The following ATAD2B variants were observed in gnomAD, a reference collection of about 807,000 sequenced individuals.
ATAD2B encodes ATPase family AAA domain-containing protein 2B.
Under a neutral mutation model 167.6 loss-of-function variants are expected in ATAD2B, and 40 were observed. The ratio of observed to expected loss-of-function variants is 0.24; its 90% CI spans 0.19 to 0.31. ATAD2B has a LOEUF of 0.31. Ranked by LOEUF, ATAD2B falls within the 10% of genes least tolerant of loss-of-function variation. ATAD2B has a pLI of 1.00. For missense variants in ATAD2B, 1,242 were observed against 1,757.2 expected (o/e 0.71, Z 5.24); for synonymous variants, 579 against 596.5 (o/e 0.97, Z 0.43).
chr2:23,836,851 G>A lies in ATAD2B; in HGVS notation c.1569-2773C>T, dbSNP rs186819936. On this transcript the variant is annotated intron_variant, in intron 13 of 27. Coordinates refer to ENST00000238789, the MANE Select transcript of ATAD2B (RefSeq NM_017552.4). ...CTGAGCCGGGGCTTTTATGGGACTC[G>A]GGGGAAGGAAGTGCACACCAATTGG... 9.5e-4 allele frequency among the ~76,000 whole-genome samples: 145 copies of A among 152,252 alleles called. 1 individual carries two copies. The highest frequency in any genetic ancestry group is 1.3e-3 in the Non-Finnish European group (91 of 68,014).
At chr2:23,777,411 T>C (rs1032448819) in intron 22 of ATAD2B, among the ~76,000 whole-genome samples, 3 of 146,914 alleles carry the variant, frequency 2.0e-5, no homozygotes, top group Non-Finnish European at 3.0e-5. Context: ...AAGGCAAGAA[T>C]TGTCAGAGTC....
the ATAD2B span, among the ~76,000 whole-genome samples, chr2:23,700,587 T>A: frequency 6.6e-6 from 1 of 152,136 alleles, no homozygotes; most frequent in African/African-American, 2.4e-5. The surrounding 1 kb of genome is among the most constrained non-coding windows in gnomAD (Gnocchi z 4.6). Flanking sequence ...AACCATGACG[T>A]TTTCCCTAGA....
chr2:23,703,970 C>A, the ATAD2B span: 1 of 1,271,098 alleles, frequency 7.9e-7, no homozygotes, highest in Non-Finnish European at 1.1e-6. Flanking sequence ...ATTCCCAGGC[C>A]CAGAGCAGTG....
chr2:23,735,570 G>A, the ATAD2B span, among the ~76,000 whole-genome samples: 2 of 152,196 alleles, frequency 1.3e-5, no homozygotes, highest in African/African-American at 2.4e-5. Context: ...TCATCAGGGA[G>A]GAGAAGAAAA....
chr2:23,857,540 G>C, intron 12 of ATAD2B, 37 bp from the exon 13 acceptor site: 1 of 1,016,388 alleles, frequency 9.8e-7, no homozygotes, highest in Admixed American at 3.8e-5. Flanking sequence ...TATTGTATTT[G>C]TTTTCATTTT....
At chr2:23,769,711 G>GA (rs199842019) in intron 22 of ATAD2B, among the ~76,000 whole-genome samples, 8,779 of 129,724 alleles carry the variant, frequency 0.068, 512 homozygotes, top group Non-Finnish European at 0.092. Flanking sequence ...TCTCACTGTG[G>GA]GTTTTTTTTT....
At chr2:23,744,589 G>A (rs1674703700), downstream of ATAD2B, among the ~76,000 whole-genome samples, 1 of 152,102 alleles carries the variant, frequency 6.6e-6, no homozygotes, top group African/African-American at 2.4e-5. Flanking sequence ...AACCACCATG[G>A]GGTTGGTGCT....
At chr2:23,877,067 C>A (rs79357109) in intron 7 of ATAD2B, among the ~76,000 whole-genome samples, 209 of 108,896 alleles carry the variant, frequency 1.9e-3, no homozygotes, top group South Asian at 3.3e-3. Flanking sequence ...AACTCCATCT[C>A]AAAAAAAAAA....
chr2:23,857,620 T>A (rs1693626778), intron 12 of ATAD2B, 117 bp from the exon 13 acceptor site: 2 of 436,960 alleles, frequency 4.6e-6, no homozygotes, highest in Admixed American at 9.2e-5. Flanking sequence ...TATGAAGGAG[T>A]ATATAGCAAC....
At chr2:23,902,648 T>C (rs991208073) in intron 1 of ATAD2B, among the ~76,000 whole-genome samples, 3 of 152,198 alleles carry the variant, frequency 2.0e-5, no homozygotes, top group Non-Finnish European at 2.9e-5. Flanking sequence ...TGTGTCACAG[T>C]GATTATAATC....
intron 22 of ATAD2B, among the ~76,000 whole-genome samples, chr2:23,774,094 A>C (rs1341096788): frequency 2.6e-5 from 4 of 152,228 alleles, no homozygotes; most frequent in Non-Finnish European, 5.9e-5. Context: ...AAAATTATTA[A>C]GAGTAACCAT....
intron 8 of ATAD2B, among the ~76,000 whole-genome samples, chr2:23,875,540 T>C (rs151122362): frequency 1.2e-3 from 178 of 151,912 alleles, no homozygotes; most frequent in Non-Finnish European, 2.3e-3. Flanking sequence ...TGTACCTACA[T>C]GTAAAAGAAA....
intron 27 of ATAD2B, among the ~76,000 whole-genome samples, chr2:23,753,567 T>C (rs116072263): frequency 0.015 from 2,342 of 152,232 alleles, 60 homozygotes; most frequent in African/African-American, 0.054. Context: ...TAAACAAAGA[T>C]AGAAGCTCAT....
At position 23,749,278 on chromosome 2, in the gene ATAD2B, G is replaced by C. The variant is rs149459377; in HGVS notation, c.*2768C>G. 1 of 151,928 alleles carries C rather than the reference G, an allele frequency of 6.6e-6. No homozygotes were observed. The allele number at this position is 151,928 out of a possible 1,614,324, so 9.4% of individuals were successfully genotyped here. On this transcript the variant is annotated 3_prime_UTR_variant, in exon 28 of 28. Coordinates refer to ENST00000238789, the MANE Select transcript of ATAD2B (RefSeq NM_017552.4). ...CCATCATCTTCAAAAAGCCCCCAGGGTCCCCACAGCTGAGCATGAATTATT... is the reference window on the plus strand; with the variant it reads ...CCATCATCTTCAAAAAGCCCCCAGGCTCCCCACAGCTGAGCATGAATTATT...
chr2:23,762,541 A>C (rs920171357), intron 23 of ATAD2B, among the ~76,000 whole-genome samples, 195 bp from the exon 24 acceptor site: 1 of 152,238 alleles, frequency 6.6e-6, no homozygotes, highest in South Asian at 2.1e-4. Context: ...ATAAAAATAA[A>C]ACAATCTGGC....
At chr2:23,746,108 G>A (rs768728794), downstream of ATAD2B, among the ~76,000 whole-genome samples, 1 of 152,146 alleles carries the variant, frequency 6.6e-6, no homozygotes, top group African/African-American at 2.4e-5. Context: ...CTTGAGGTTA[G>A]GTTACATGCT....
chr2:23,904,615 C>T (rs1488890521), intron 1 of ATAD2B, among the ~76,000 whole-genome samples: 1 of 131,766 alleles, frequency 7.6e-6, no homozygotes, highest in Non-Finnish European at 1.6e-5. Flanking sequence ...GAGAATAAAA[C>T]AAATTATTTA....
chr2:23,807,950 A>AATATATTTATAATATATATAAATAT (rs1205629285), intron 18 of ATAD2B, among the ~76,000 whole-genome samples: 1 of 112,088 alleles, frequency 8.9e-6, no homozygotes, highest in Non-Finnish European at 1.9e-5. Flanking sequence ...TAAATATATA[A>AATATATTTATAATATATATAAATAT]ATATTTATAA....
chr2:23,908,323 G>A lies in ATAD2B; in HGVS notation c.217-12353C>T, dbSNP rs1440859884. Among the ~76,000 whole-genome samples, 8 of 152,266 alleles carry A rather than the reference G, an allele frequency of 5.3e-5. No individual in the cohort carries two copies. The East Asian group carries it at 1.5e-3, about 29-fold the overall frequency. On this transcript the variant is annotated intron_variant, in intron 1 of 27. Transcript: ENST00000238789. ...AAAACAACCCCATCAACAAGTGGGT[G>A]AAGGATATGAACAGACACTTCTCAA...
Sources: gnomAD v4.1 joint callset for allele counts (sites outside exome capture counted in the v4.1 genomes callset) on GRCh38, gnomAD v4.1.1 for gene constraint, Gnocchi (gnomAD v3.1) non-coding constraint, MANE v1.5 for transcripts, NCBI Gene and HGNC (gene_info 2026-07-23, HGNC 2026-07-21) for gene names.